The following SOX5 variants were observed in gnomAD, a reference collection of about 807,000 sequenced individuals.
SOX5 encodes the protein transcription factor SOX-5.
A neutral mutation model predicts 92.0 loss-of-function variants in SOX5; 9 were observed. The observed-to-expected ratio is 0.10, with a 90% CI of 0.06 to 0.17. The LOEUF (loss-of-function observed/expected upper bound fraction) is 0.17. Among genes scored for constraint, SOX5 ranks in the 10% least tolerant of loss-of-function variants. The pLI is 1.00. For missense variants in SOX5, 642 were observed against 944.5 expected, an observed-to-expected ratio of 0.68 and a Z score of 4.20; for synonymous variants, 344 against 336.3, an observed-to-expected ratio of 1.02 and a Z score of -0.25.
rs560474009 is a variant in SOX5, at chr12:24,143,564, A to C, written c.-2+69779T>G. Among the ~76,000 whole-genome samples the C allele has an allele frequency of 3.3e-5, 5 of 152,314 alleles. No individual in the cohort carries two copies. The South Asian group carries it at 1.0e-3, about 32-fold the overall frequency. On this transcript the variant is annotated intron_variant, in intron 4 of 4. Coordinates refer to the SOX5 transcript ENST00000446891. ...CAAGGTTCCCAAGGACAAAAAGAGC[A>C]ATACTTAAACTCAGAAATGCACTGG... is the stretch of plus-strand genomic sequence containing the variant.
At chr12:24,143,745 C>A (rs546957781) in intron 4 of SOX5, among the ~76,000 whole-genome samples, 1 of 151,754 alleles carries the variant, frequency 6.6e-6, no homozygotes, top group East Asian at 1.9e-4. Flanking sequence ...ACACTCTACT[C>A]TGGGAACTGT....
chr12:23,583,839 A>C (rs938174070), intron 9 of SOX5, among the ~76,000 whole-genome samples: 2 of 152,180 alleles, frequency 1.3e-5, no homozygotes, highest in African/African-American at 4.8e-5. Flanking sequence ...TATAATTACA[A>C]AGCATTTGTC....
chr12:24,040,105 T>C (rs1956377140), intron 4 of SOX5, among the ~76,000 whole-genome samples: 1 of 152,206 alleles, frequency 6.6e-6, no homozygotes, highest in Admixed American at 6.5e-5. Context: ...GGTTCAATTA[T>C]GTTAACATTA....
chr12:23,740,612 T>C (rs1162860618), intron 5 of SOX5, among the ~76,000 whole-genome samples: 1 of 152,204 alleles, frequency 6.6e-6, no homozygotes, highest in Non-Finnish European at 1.5e-5. Flanking sequence ...ATTTTTCTCA[T>C]GATTTATCAG....
chr12:24,010,984 G>A (rs1952865149), intron 4 of SOX5, among the ~76,000 whole-genome samples: 1 of 151,548 alleles, frequency 6.6e-6, no homozygotes, highest in African/African-American at 2.4e-5. Context: ...ATAGGGTTTA[G>A]ATGCCAAAGA....
chr12:23,986,560 G>A (rs940954510), intron 4 of SOX5, among the ~76,000 whole-genome samples: 5 of 152,092 alleles, frequency 3.3e-5, no homozygotes, highest in South Asian at 2.1e-4. Flanking sequence ...TTCATCAGTT[G>A]GGTAATTTAT....
At chr12:23,801,382 C>A (rs1277840883) in intron 3 of SOX5, among the ~76,000 whole-genome samples, 1 of 151,940 alleles carries the variant, frequency 6.6e-6, no homozygotes, top group Non-Finnish European at 1.5e-5. Flanking sequence ...CCCATTTAAA[C>A]CTGCAGTTTT....
In SOX5 at chr12:23,530,171, GTTTTA is replaced by G. The variant is rs754132450; in HGVS notation, c.*4043_*4047del. On this transcript the variant is annotated 3_prime_UTR_variant, in exon 15 of 15. Transcript: ENST00000451604. ...ATAGTTTTCCTTGCAGACCCCGTAA[GTTTTA>G]TTTTATTATTAATTTGATAGACAAA... 1.5e-4 allele frequency: 23 copies of G among 152,250 alleles called. No homozygotes were observed. Among genetic ancestry groups the G allele is most frequent in the African/African-American group, 4.3e-4 (18 of 41,552 alleles). 9.4% of individuals were successfully genotyped at this position (152,250 alleles called of 1,614,324 possible). A position where few individuals can be genotyped will look rare whatever the true frequency, so the allele number is the denominator to read the frequency against.
intron 6 of SOX5, among the ~76,000 whole-genome samples, chr12:23,708,323 A>G (rs1436275966): frequency 1.3e-5 from 2 of 152,120 alleles, no homozygotes; most frequent in Non-Finnish European, 2.9e-5. Context: ...CATATAAAAA[A>G]AAAAACAAAC....
At chr12:23,643,129 G>T (rs1460865922) in intron 7 of SOX5, among the ~76,000 whole-genome samples, 2 of 150,936 alleles carry the variant, frequency 1.3e-5, no homozygotes, top group Non-Finnish European at 2.9e-5. Flanking sequence ...GTCAGACTAG[G>T]ATGGTGACAT....
At chr12:24,173,220 T>C (rs1175061936) in intron 4 of SOX5, among the ~76,000 whole-genome samples, 1 of 152,238 alleles carries the variant, frequency 6.6e-6, no homozygotes, top group East Asian at 1.9e-4. Flanking sequence ...CTCTGTCAAC[T>C]GACAGCCTAA....
intron 6 of SOX5, among the ~76,000 whole-genome samples, chr12:23,674,336 A>ATTCTTTTTTTTTT (rs2085291607): frequency 1.0e-5 from 1 of 97,384 alleles, no homozygotes; most frequent in African/African-American, 4.2e-5. Context: ...ATAAAAAGGA[A>ATTCTTTTTTTTTT]TTTTTTTTTT....
At position 23,949,579 on chromosome 12, in the gene SOX5, G is replaced by A; in HGVS notation, c.23C>T (p.Pro8Leu). ...CTGTACTCACCTTTCAAACTCCTGA[G>A]GTAAATCAGGGTCAGTAAGCATGCT... MLTDPDL[P>L]QEFERMSSKR... The change falls in exon 1 of 15, where the codon CCT (proline) becomes CTT (leucine). Residue 8 changes from proline (P) to leucine (L), a missense_variant. Physicochemically the swap from Pro to Leu is moderately conservative, Grantham distance 98 (BLOSUM62 -3). This residue lies in a region of SOX5 where 113 missense variants were observed against 117.7 expected (regional missense o/e 0.96). Transcript: ENST00000451604. 1 of 1,612,854 alleles carries A rather than the reference G, an allele frequency of 6.2e-7. No individual in the cohort carries two copies. The highest frequency in any genetic ancestry group is 8.5e-7 in the Non-Finnish European group (1 of 1,178,916).
chr12:24,423,456 T>A (rs904334808), intron 1 of SOX5, among the ~76,000 whole-genome samples: 7 of 152,226 alleles, frequency 4.6e-5, no homozygotes, highest in Non-Finnish European at 1.0e-4. Context: ...CATTGTGAGA[T>A]TTCAATGAGG....
intron 2 of SOX5, among the ~76,000 whole-genome samples, chr12:24,293,481 G>A (rs1380313227): frequency 6.6e-6 from 1 of 152,004 alleles, no homozygotes; most frequent in Non-Finnish European, 1.5e-5. Flanking sequence ...ATTTACATGG[G>A]TATGGCTGTA....
At chr12:23,628,129 TG>T (rs2078073124) in intron 8 of SOX5, among the ~76,000 whole-genome samples, 1 of 152,066 alleles carries the variant, frequency 6.6e-6, no homozygotes, top group African/African-American at 2.4e-5. Flanking sequence ...TAACTTTTTT[TG>T]TTGTTGTTTG....
intron 2 of SOX5, among the ~76,000 whole-genome samples, chr12:23,874,859 C>T (rs570017831): frequency 6.6e-6 from 1 of 152,292 alleles, no homozygotes; most frequent in Non-Finnish European, 1.5e-5. Context: ...ATCCTGTATC[C>T]ATACTGTTTT....
chr12:24,186,380 A>G (rs1225595501), intron 4 of SOX5, among the ~76,000 whole-genome samples: 1 of 152,148 alleles, frequency 6.6e-6, no homozygotes, highest in East Asian at 1.9e-4. Flanking sequence ...ACAAGCCACA[A>G]TCTTAAGAGG....
At chr12:23,642,139 A>T (rs577866756) in intron 7 of SOX5, among the ~76,000 whole-genome samples, 1 of 152,138 alleles carries the variant, frequency 6.6e-6, no homozygotes. Context: ...TTTGTTATAA[A>T]TGAATATTCA....
Sources: allele counts gnomAD v4.1 joint callset (sites outside exome capture counted in the v4.1 genomes callset), GRCh38; gene constraint gnomAD v4.1.1; regional missense constraint gnomAD v4.1.1; transcripts MANE v1.5; gene names NCBI Gene and HGNC (gene_info 2026-07-23, HGNC 2026-07-21).